The following FAM174C variants were observed in gnomAD, a reference collection of about 807,000 sequenced individuals.
FAM174C encodes protein FAM174C.
Under a neutral mutation model 12.3 loss-of-function variants are expected in FAM174C, and 19 were observed. The observed-to-expected ratio is 1.55, with a 90% CI of 1.08 to 2.27. The LOEUF (loss-of-function observed/expected upper bound fraction) is 2.27. Ranked by LOEUF, FAM174C falls within the 30% of genes most tolerant of loss-of-function variation. The pLI is 0.00. For synonymous variants in FAM174C, 147 were observed against 103.5 expected, an observed-to-expected ratio of 1.42 and a Z score of -2.55; for missense variants, 239 against 190.2, an observed-to-expected ratio of 1.26 and a Z score of -1.51.
At chr19:1,275,935 CCTCCCTCT>C (rs1202582114) in intron 1 of FAM174C, 105 bp downstream of exon 1, 8 of 1,058,746 alleles carry the variant, frequency 7.6e-6, no homozygotes, top group African/African-American at 3.3e-5. Flanking sequence ...TCCCTCCCTC[CCTCCCTCT>C]CTCCCTGTTG....
intron 1 of FAM174C, 178 bp from the exon 2 acceptor site, chr19:1,277,005 T>G: frequency 7.3e-6 from 7 of 961,936 alleles, no homozygotes; most frequent in Non-Finnish European, 8.7e-6. Flanking sequence ...GTCATCGCCA[T>G]GGGAGTGAAT....
chr19:1,278,695 C>G, intron 2 of FAM174C, 82 bp from the exon 3 acceptor site: 1 of 1,583,338 alleles, frequency 6.3e-7, no homozygotes, highest in Non-Finnish European at 8.6e-7. Flanking sequence ...GGCTGCCTGC[C>G]CCTGCCTGAC....
rs1600044487 is a variant in FAM174C, at chr19:1,278,834, G to A, written c.*57G>A. The A allele has an allele frequency of 6.2e-7, 1 of 1,612,912 alleles. No individual in the cohort carries two copies. Among genetic ancestry groups the A allele is most frequent in the African/African-American group, 1.3e-5 (1 of 74,914 alleles). On this transcript the variant is annotated 3_prime_UTR_variant, in exon 3 of 3. Coordinates refer to ENST00000409293, the MANE Select transcript of FAM174C (RefSeq NM_017914.4). The stretch of plus-strand genomic sequence containing the variant: ...CCATGAGGGAAGGACAGGAGATGGG[G>A]CCCACCCCAGTGCCCAGCAACCCCC...
rs574512277 is a variant in FAM174C, at chr19:1,275,540, C to G, written c.-10C>G. 1.6e-4 allele frequency: 187 copies of G among 1,205,634 alleles called. No individual in the cohort carries two copies. The African/African-American group carries it at 2.6e-3, about 17-fold the overall frequency. The allele number at this position is 1,205,634 out of a possible 1,614,324, so 74.7% of individuals were successfully genotyped here. On this transcript the variant is annotated 5_prime_UTR_variant, in exon 1 of 3. Transcript: ENST00000409293. The stretch of plus-strand genomic sequence containing the variant: ...TAGGGGCGGGGCGCCGCCACCGCTT[C>G]CGCCGGGCCATGGGGCCGCGCGTGC...
At position 1,275,752 on chromosome 19, in the gene FAM174C, C is replaced by T. The variant is rs1310873395; in HGVS notation, c.203C>T (p.Ser68Leu). ...THTRPPGASGSALTRSFYVIL... is the reference protein window; with the variant it reads ...THTRPPGASGLALTRSFYVIL... ...ACGCGTCCGCCGGGGGCGTCGGGCTCGGCGCTGACGCGCTCCTTCTACGTG... is the reference window on the plus strand; with the variant it reads ...ACGCGTCCGCCGGGGGCGTCGGGCTTGGCGCTGACGCGCTCCTTCTACGTG... Residue 68 changes from serine (S) to leucine (L), a missense_variant, in exon 1 of 3, where the codon TCG becomes TTG. Ser to Leu is a moderately radical substitution (Grantham distance 145). Transcript: ENST00000409293. The T allele has an allele frequency of 2.0e-6, 3 of 1,535,858 alleles. No homozygotes were observed. The highest frequency in any genetic ancestry group is 2.6e-6 in the Non-Finnish European group (3 of 1,144,832).
In FAM174C at chr19:1,278,797, C is replaced by G; in HGVS notation, c.*20C>G. On this transcript the variant is annotated 3_prime_UTR_variant, in exon 3 of 3. Coordinates refer to ENST00000409293, the MANE Select transcript of FAM174C (RefSeq NM_017914.4). Reference sequence around the variant, plus strand: ...TTCAGATGCTGAGCCAGGGAGGCGGCCCTTCCAGCAGCCATGAGGGAAGGA... The same window carrying G: ...TTCAGATGCTGAGCCAGGGAGGCGGGCCTTCCAGCAGCCATGAGGGAAGGA... 2 of 1,612,896 alleles carry G rather than the reference C, an allele frequency of 1.2e-6. No individual in the cohort carries two copies. The highest frequency in any genetic ancestry group is 2.2e-5 in the East Asian group (1 of 44,888).
rs2144600566 is a variant in FAM174C, at chr19:1,278,902, AC to A, written c.*128del. On this transcript the variant is annotated 3_prime_UTR_variant, in exon 3 of 3. Coordinates refer to ENST00000409293, the MANE Select transcript of FAM174C (RefSeq NM_017914.4). The stretch of plus-strand genomic sequence containing the variant: ...CCCTGCTGGCCCCGGGGCTGGTCTC[AC>A]CCAGTGCCAACCCGAGAGCTCCTTT... 1.2e-6 allele frequency: 2 copies of A among 1,613,086 alleles called. No homozygotes were observed. The highest frequency in any genetic ancestry group is 1.7e-6 in the Non-Finnish European group (2 of 1,179,872).
Position 1,276,114 on chromosome 19 carries a change from T to C in FAM174C, c.281+284T>C, listed in dbSNP as rs1479117734. On this transcript the variant is annotated intron_variant, in intron 1 of 2. Coordinates refer to ENST00000409293, the MANE Select transcript of FAM174C (RefSeq NM_017914.4). ...CTGCCCGTTTCCCAGGTGGGGCCACTGAAGCCGGAGCATGCCGGGCAGGGG... is the reference window on the plus strand; with the variant it reads ...CTGCCCGTTTCCCAGGTGGGGCCACCGAAGCCGGAGCATGCCGGGCAGGGG... 6.3e-6 allele frequency: 3 copies of C among 473,084 alleles called. No homozygotes were observed. The Admixed American group carries it at 1.2e-4, about 20-fold the overall frequency. 29.3% of individuals were successfully genotyped at this position (473,084 alleles called of 1,614,324 possible). A position where few individuals can be genotyped will look rare whatever the true frequency, so the allele number is the denominator to read the frequency against.
At position 1,277,187 on chromosome 19, in the gene FAM174C, A is replaced by G; in HGVS notation, c.286A>G (p.Lys96Glu). Reference protein sequence around the residue: ...LYFLIRAFRLKKPQRRRYGLL... With the variant: ...LYFLIRAFRLEKPQRRRYGLL... The stretch of plus-strand genomic sequence containing the variant: ...TATGCCTGGACCTACTTCCAGGTTG[A>G]AGAAGCCTCAGCGGAGGCGATACGG... Residue 96 changes from lysine (K) to glutamate (E), a missense_variant, in exon 2 of 3, where the codon AAG becomes GAG. Transcript: ENST00000409293. 6.5e-7 allele frequency: 1 copy of G among 1,538,672 alleles called. No homozygotes were observed. The highest frequency in any genetic ancestry group is 8.8e-7 in the Non-Finnish European group (1 of 1,136,866).
chr19:1,275,554 G>GGCCGCGCGTGCTGCA lies in FAM174C; in HGVS notation c.11_25dup (p.Arg4_Pro8dup). ...CGCCACCGCTTCCGCCGGGCCATGGGGCCGCGCGTGCTGCAGCCGCCGCTG... is the reference window on the plus strand; with the variant it reads ...CGCCACCGCTTCCGCCGGGCCATGGGGCCGCGCGTGCTGCAGCCGCGCGTGCTGCAGCCGCCGCTG... On this transcript the variant is annotated inframe_insertion, in exon 1 of 3. Transcript: ENST00000409293. The GGCCGCGCGTGCTGCA allele has an allele frequency of 4.1e-6, 5 of 1,215,916 alleles. No homozygotes were observed. The highest frequency in any genetic ancestry group is 5.1e-6 in the Non-Finnish European group (5 of 978,702). The allele number at this position is 1,215,916 out of a possible 1,614,324, so 75.3% of individuals were successfully genotyped here.
At chr19:1,276,028 C>T (rs1034984287) in intron 1 of FAM174C, 198 bp downstream of exon 1, 2 of 563,506 alleles carry the variant, frequency 3.5e-6, no homozygotes, top group Non-Finnish European at 6.1e-6. Context: ...CTCACCCGCT[C>T]TCCAGCCTGC....
chr19:1,276,763 C>T, intron 1 of FAM174C: 1 of 157,516 alleles, frequency 6.3e-6, no homozygotes, highest in Non-Finnish European at 1.4e-5. Flanking sequence ...GAAGCACCTG[C>T]TGCGCGCTCT....
rs1212973412 is a variant in FAM174C, at chr19:1,275,837, C to T, written c.281+7C>T. 6 of 1,535,530 alleles carry T rather than the reference C, an allele frequency of 3.9e-6. No individual in the cohort carries two copies. Among genetic ancestry groups the T allele is most frequent in the African/African-American group, 2.7e-5 (2 of 72,874 alleles). ...TCCTGATCCGGGCGTTTAGGTGCGT[C>T]AGGCGCACGTGGGCGCCGTCTCTCA... On this transcript the variant is annotated splice_region_variant and intron_variant, in intron 1 of 2. Coordinates refer to ENST00000409293, the MANE Select transcript of FAM174C (RefSeq NM_017914.4).
Position 1,275,598 on chromosome 19 carries a change from C to T in FAM174C, c.49C>T (p.Leu17=). ...GCCGCTGCTGCTGCTCCTGCTGGCG[C>T]TGCTGCTGGCGGCGCTGCCGTGCGG... The part of the protein sequence containing the change: ...QPPLLLLLLA[L]LLAALPCGAE... The change falls in exon 1 of 3, where the codon CTG becomes TTG. Residue 17 remains leucine, a synonymous_variant. Transcript: ENST00000409293. The T allele has an allele frequency of 2.4e-6, 3 of 1,249,070 alleles. No homozygotes were observed. The highest frequency in any genetic ancestry group is 3.0e-6 in the Non-Finnish European group (3 of 999,616). The allele number at this position is 1,249,070 out of a possible 1,614,324, so 77.4% of individuals were successfully genotyped here.
Position 1,279,113 on chromosome 19 carries a change from C to T in FAM174C, c.*336C>T, listed in dbSNP as rs761801357. On this transcript the variant is annotated 3_prime_UTR_variant, in exon 3 of 3. Transcript: ENST00000409293. ...ACTGTGACTTGTGCCTCTCTCCTGC[C>T]CCCGTGGGGACATGGCAGCCCAGAG... 28 of 1,613,022 alleles carry T rather than the reference C, an allele frequency of 1.7e-5. No individual in the cohort carries two copies. Among genetic ancestry groups the T allele is most frequent in the Non-Finnish European group, 2.3e-5 (27 of 1,179,998 alleles).
chr19:1,275,691 GGGAGC>G lies in FAM174C; in HGVS notation c.143_147del (p.Gly48AlafsTer45). 6 of 1,477,428 alleles carry G rather than the reference GGGAGC, an allele frequency of 4.1e-6. No homozygotes were observed. The highest frequency in any genetic ancestry group is 5.3e-6 in the Non-Finnish European group (6 of 1,124,466). 91.5% of individuals were successfully genotyped at this position (1,477,428 alleles called of 1,614,324 possible). A position where few individuals can be genotyped will look rare whatever the true frequency, so the allele number is the denominator to read the frequency against. ...GTCGCCGCCGCCGGCCGTGACGAAC[GGGAGC>G]CAGCCGGGCGCGCCACACAACAGCA... On this transcript the variant is annotated frameshift_variant, in exon 1 of 3. Transcript: ENST00000409293. LOFTEE classifies it high-confidence loss of function.
At position 1,275,754 on chromosome 19, in the gene FAM174C, G is replaced by T; in HGVS notation, c.205G>T (p.Ala69Ser). ...GCGTCCGCCGGGGGCGTCGGGCTCG[G>T]CGCTGACGCGCTCCTTCTACGTGAT... ...HTRPPGASGSALTRSFYVILG... is the reference protein window; with the variant it reads ...HTRPPGASGSSLTRSFYVILG... Residue 69 changes from alanine to serine, a missense_variant, in exon 1 of 3, where the codon GCG (alanine) becomes TCG (serine). Coordinates refer to ENST00000409293, the MANE Select transcript of FAM174C (RefSeq NM_017914.4). 6.5e-7 allele frequency: 1 copy of T among 1,538,506 alleles called. No homozygotes were observed. Among genetic ancestry groups the T allele is most frequent in the Non-Finnish European group, 8.7e-7 (1 of 1,145,764 alleles).
rs780104594 is a variant in FAM174C at position 1,278,835 on chromosome 19, C to T, written c.*58C>T. ...CATGAGGGAAGGACAGGAGATGGGG[C>T]CCACCCCAGTGCCCAGCAACCCCCT... On this transcript the variant is annotated 3_prime_UTR_variant, in exon 3 of 3. Transcript: ENST00000409293. The T allele has an allele frequency of 1.2e-6, 2 of 1,612,958 alleles. No individual in the cohort carries two copies.
At chr19:1,277,332 T>G (rs2144598840) in intron 2 of FAM174C, 33 bp downstream of exon 2, 1 of 1,526,226 alleles carries the variant, frequency 6.6e-7, no homozygotes. Context: ...GGGGCCTCGG[T>G]GGGCAGGCTG....
Sources: allele counts gnomAD v4.1 joint callset, GRCh38; gene constraint gnomAD v4.1.1; transcripts MANE v1.5; gene names NCBI Gene and HGNC (gene_info 2026-07-23, HGNC 2026-07-21).